AGBL1: variants seen among roughly 807,000 people sequenced by gnomAD.
The protein encoded by AGBL1 is AGBL carboxypeptidase 1.
Under a neutral mutation model 118.9 loss-of-function variants are expected in AGBL1, and 130 were observed. The ratio of observed to expected loss-of-function variants is 1.09; its 90% CI spans 0.95 to 1.26. The LOEUF (loss-of-function observed/expected upper bound fraction) is 1.26. AGBL1 is among the 50% of genes most tolerant of loss of function. The pLI is 0.00. For missense variants in AGBL1, 1,584 were observed against 1,298.1 expected (o/e 1.22, Z -3.38); for synonymous variants, 555 against 478.9 (o/e 1.16, Z -2.08).
At position 86,285,195 on chromosome 15, in the gene AGBL1, A is replaced by G. The variant is rs147230425; in HGVS notation, c.2220+5412A>G. On this transcript the variant is annotated intron_variant, in intron 16 of 22. Transcript: ENST00000614907. ...CTTGGTTTACTTCTAGCAATCTTTTATATGACTGAAGTCAAAATAATCCCC... is the reference window on the plus strand; with the variant it reads ...CTTGGTTTACTTCTAGCAATCTTTTGTATGACTGAAGTCAAAATAATCCCC... 7.9e-5 allele frequency among the ~76,000 whole-genome samples: 12 copies of G among 152,308 alleles called. No homozygotes were observed. In the East Asian group the frequency reaches 2.3e-3, roughly 29 times the overall value.
intron 17 of AGBL1, among the ~76,000 whole-genome samples, chr15:86,314,143 A>T (rs570894619): frequency 6.6e-6 from 1 of 152,278 alleles, no homozygotes; most frequent in South Asian, 2.1e-4. Context: ...GGATATGCCC[A>T]AGGGTATTTT....
intron 18 of AGBL1, among the ~76,000 whole-genome samples, chr15:86,516,052 C>G (rs1293160262): frequency 1.3e-5 from 2 of 152,148 alleles, no homozygotes; most frequent in Admixed American, 6.5e-5. Context: ...CAGTTGCATT[C>G]TTTTGAGACT....
intron 17 of AGBL1, among the ~76,000 whole-genome samples, chr15:86,314,505 G>T (rs532155908): frequency 5.9e-5 from 9 of 152,278 alleles, no homozygotes; most frequent in Admixed American, 5.2e-4. Flanking sequence ...TAAGGAGCAG[G>T]AACCAACTGG....
At chr15:87,010,565 G>T (rs1414848741) in intron 24 of AGBL1, among the ~76,000 whole-genome samples, 2 of 152,150 alleles carry the variant, frequency 1.3e-5, no homozygotes, top group Non-Finnish European at 2.9e-5. Flanking sequence ...CCTGCCCTTG[G>T]ACCACACAAC....
At chr15:86,920,614 A>G (rs2141618937), downstream of AGBL1, among the ~76,000 whole-genome samples, 1 of 152,320 alleles carries the variant, frequency 6.6e-6, no homozygotes, top group East Asian at 1.9e-4. Context: ...TGCTCTCTCC[A>G]AGTGCTAGGA....
At chr15:86,521,600 A>G (rs1662847963) in intron 18 of AGBL1, among the ~76,000 whole-genome samples, 1 of 152,172 alleles carries the variant, frequency 6.6e-6, no homozygotes, top group African/African-American at 2.4e-5. Flanking sequence ...TCCCCTGCAG[A>G]TTGATCCCCT....
chr15:86,250,795 C>T (rs1426649024), intron 7 of AGBL1, among the ~76,000 whole-genome samples: 1 of 152,140 alleles, frequency 6.6e-6, no homozygotes, highest in African/African-American at 2.4e-5. Flanking sequence ...TGCAGGTGTG[C>T]TGGAGTTACA....
At chr15:86,302,171 G>A (rs1291879249) in intron 17 of AGBL1, among the ~76,000 whole-genome samples, 1 of 152,028 alleles carries the variant, frequency 6.6e-6, no homozygotes, top group Admixed American at 6.5e-5. Context: ...TTCTAAGGCT[G>A]GTTGAAGTGG....
At chr15:86,657,516 C>T (rs1009342421) in intron 21 of AGBL1, among the ~76,000 whole-genome samples, 15 of 152,128 alleles carry the variant, frequency 9.9e-5, no homozygotes, top group African/African-American at 1.7e-4. Flanking sequence ...CTGGAGGTGA[C>T]GTTTAGAGTG....
At chr15:86,872,345 G>A (rs1264092328) in intron 22 of AGBL1, among the ~76,000 whole-genome samples, 1 of 152,192 alleles carries the variant, frequency 6.6e-6, no homozygotes, top group Admixed American at 6.5e-5. Context: ...GAAAATAGAA[G>A]CCCTGAGTCC....
intron 17 of AGBL1, among the ~76,000 whole-genome samples, chr15:86,353,255 G>C (rs1427022349): frequency 6.6e-6 from 1 of 152,200 alleles, no homozygotes; most frequent in Non-Finnish European, 1.5e-5. Context: ...GCCAGGAAAA[G>C]AGTAAGACAG....
At position 86,196,872 on chromosome 15, in the gene AGBL1, C is replaced by CGT. The variant is rs1555446459; in HGVS notation, c.489-28041_489-28040insTG. ...GCATATGCGAATGTGCACATGTGCG[C>CGT]GCGCGCGCACACACACACACACACA... On this transcript the variant is annotated intron_variant, in intron 5 of 22. Coordinates refer to ENST00000614907, the MANE Select transcript of AGBL1 (RefSeq NM_001386094.1). 6.8e-3 allele frequency among the ~76,000 whole-genome samples: 630 copies of CGT among 92,570 alleles called. 13 individuals are homozygous for CGT. The highest frequency in any genetic ancestry group is 0.029 in the African/African-American group (596 of 20,618). The allele number at this position is 92,570 out of a possible 152,430, so 60.7% of individuals were successfully genotyped here. A position where few individuals can be genotyped will look rare whatever the true frequency, so the allele number is the denominator to read the frequency against.
chr15:86,431,274 G>C (rs1209299843), intron 18 of AGBL1, among the ~76,000 whole-genome samples: 1 of 152,202 alleles, frequency 6.6e-6, no homozygotes, highest in African/African-American at 2.4e-5. Context: ...CTTGGGACAA[G>C]TTACATAAAA....
chr15:86,167,718 A>C (rs1382210263), intron 5 of AGBL1, among the ~76,000 whole-genome samples: 1 of 152,354 alleles, frequency 6.6e-6, no homozygotes, highest in East Asian at 1.9e-4. Context: ...AAGCCAACTC[A>C]GTTGGCTGGG....
intron 22 of AGBL1, among the ~76,000 whole-genome samples, chr15:86,758,985 G>GA (rs1369194511): frequency 2.1e-4 from 26 of 122,910 alleles, no homozygotes; most frequent in East Asian, 9.3e-4. Context: ...AAAAAAAAAA[G>GA]AAAAAAAAAA....
Position 86,264,274 on chromosome 15 carries a change from T to G in AGBL1, c.1103T>G (p.Leu368Arg), listed in dbSNP as rs2142033341. The change falls in exon 11 of 23, where the codon CTT becomes CGT. Residue 368 changes from leucine to arginine, a missense_variant. By Grantham distance (102) the Leu-to-Arg change is moderately radical (BLOSUM62 -2). Coordinates refer to ENST00000614907, the MANE Select transcript of AGBL1 (RefSeq NM_001386094.1). ...SYSFEELQSK[L>R]GDDLNSEKTQ... ...AACCTGAAGGAACTGCAGTCCAAAC[T>G]TGGAGATGATTTGAACTCTGAAAAG... 4 of 1,599,678 alleles carry G rather than the reference T, an allele frequency of 2.5e-6. 1 individual carries two copies. The East Asian group carries it at 9.0e-5, about 36-fold the overall frequency.
chr15:86,716,314 CT>C (rs2086638055), intron 22 of AGBL1, among the ~76,000 whole-genome samples: 1 of 151,440 alleles, frequency 6.6e-6, no homozygotes, highest in Non-Finnish European at 1.5e-5. Flanking sequence ...GTTAGCATTG[CT>C]GCATGGGGGA....
chr15:86,224,007 C>T (rs1273353005), intron 5 of AGBL1, among the ~76,000 whole-genome samples: 2 of 152,114 alleles, frequency 1.3e-5, no homozygotes, highest in African/African-American at 2.4e-5. Flanking sequence ...GCTCTGCTGA[C>T]ATGTCTGTAC....
intron 18 of AGBL1, among the ~76,000 whole-genome samples, chr15:86,514,069 C>T (rs371306324): frequency 6.6e-6 from 1 of 151,524 alleles, no homozygotes; most frequent in Non-Finnish European, 1.5e-5. Context: ...ATGTTTCTTG[C>T]TTGTTAGTAT....
Sources: gnomAD v4.1 joint callset for allele counts (sites outside exome capture counted in the v4.1 genomes callset) on GRCh38, gnomAD v4.1.1 for gene constraint, MANE v1.5 for transcripts, NCBI Gene and HGNC (gene_info 2026-07-23, HGNC 2026-07-21) for gene names.